Variants in IL19 observed in about 807,000 individuals in gnomAD.
The protein encoded by IL19 is interleukin-19.
A neutral mutation model predicts 19.5 loss-of-function variants in IL19; 15 were observed. The observed-to-expected ratio is 0.77, with a 90% CI of 0.52 to 1.19. IL19 has a LOEUF of 1.19. Among genes scored for constraint, IL19 ranks in the 50% most tolerant of loss-of-function variants. IL19 has a pLI of 0.00. For missense variants in IL19, 199 were observed against 213.1 expected (o/e 0.93, Z 0.41); for synonymous variants, 78 against 78.3 (o/e 1.00, Z 0.02).
chr1:206,777,853 A>C (rs908411436), intron 1 of IL19, among the ~76,000 whole-genome samples: 1 of 152,232 alleles, frequency 6.6e-6, no homozygotes, highest in African/African-American at 2.4e-5. Context: ...TGAAATTTCT[A>C]GTATTCCCTC....
At chr1:206,793,858 G>A (rs568768942) in intron 1 of IL19, among the ~76,000 whole-genome samples, 1 of 152,344 alleles carries the variant, frequency 6.6e-6, no homozygotes, top group Admixed American at 6.5e-5. Context: ...CTGGTCGAAG[G>A]GCTAGGGAGG....
At chr1:206,836,519 C>T in intron 2 of IL19, 142 bp from the exon 3 acceptor site, 2 of 744,872 alleles carry the variant, frequency 2.7e-6, no homozygotes, top group East Asian at 2.5e-5. Flanking sequence ...CCTGTAACTC[C>T]TCAAGGCTGA....
intron 2 of IL19, among the ~76,000 whole-genome samples, chr1:206,804,142 G>A (rs1010379141): frequency 3.9e-5 from 6 of 152,148 alleles, no homozygotes; most frequent in African/African-American, 1.4e-4. Flanking sequence ...GTAAATTCCA[G>A]GAGGGCTTCA....
intron 1 of IL19, 187 bp downstream of exon 1, chr1:206,771,265 A>C (rs1400547981): frequency 7.7e-7 from 1 of 1,306,800 alleles, no homozygotes; most frequent in African/African-American, 1.5e-5. Context: ...AAAGCGAAGG[A>C]AACAAACCCA....
intron 2 of IL19, chr1:206,834,314 A>T: frequency 2.0e-6 from 2 of 985,610 alleles, no homozygotes; most frequent in South Asian, 9.4e-5. Flanking sequence ...CCTCTTATCC[A>T]CCTGAATAAA....
At chr1:206,798,837 GAC>G in intron 1 of IL19, 22 bp from the exon 2 acceptor site, 1 of 1,286,474 alleles carries the variant, frequency 7.8e-7, no homozygotes, top group Non-Finnish European at 1.1e-6. Flanking sequence ...TTGTAATGAT[GAC>G]TCTCTATGAT....
intron 1 of IL19, among the ~76,000 whole-genome samples, chr1:206,782,613 C>A (rs531464080): frequency 2.0e-4 from 31 of 152,290 alleles, no homozygotes; most frequent in Admixed American, 1.3e-4. Flanking sequence ...TCCTGTGAGC[C>A]TCTCACATGT....
intron 1 of IL19, among the ~76,000 whole-genome samples, chr1:206,798,057 A>G (rs1434485939): frequency 6.6e-6 from 1 of 152,142 alleles, no homozygotes; most frequent in Admixed American, 6.5e-5. Context: ...GTTGAGGTGG[A>G]GTTGAAGGAG....
intron 1 of IL19, among the ~76,000 whole-genome samples, chr1:206,771,947 T>C (rs941559884): frequency 4.6e-5 from 7 of 152,046 alleles, no homozygotes; most frequent in African/African-American, 1.7e-4. Context: ...ATGGGGAGCA[T>C]CTTCACCTCG....
Position 206,787,104 on chromosome 1 carries a change from G to A in IL19, c.-148-11757G>A, listed in dbSNP as rs187504054. On this transcript the variant is annotated intron_variant, in intron 1 of 6. Transcript: ENST00000659997. ...TCCACAAGATCTCTGACCAAAACAC[G>A]GGGGCTCTCACTATTGTCAGAATAT... Among the ~76,000 whole-genome samples the A allele has an allele frequency of 6.3e-3, 963 of 152,128 alleles. 9 individuals carry two copies. The highest frequency in any genetic ancestry group is 0.022 in the African/African-American group (908 of 41,482).
intron 1 of IL19, among the ~76,000 whole-genome samples, chr1:206,798,540 T>C (rs1407043138): frequency 6.6e-6 from 1 of 152,038 alleles, no homozygotes; most frequent in East Asian, 1.9e-4. Flanking sequence ...AGTAATTATA[T>C]ACACATTTTT....
intron 2 of IL19, among the ~76,000 whole-genome samples, chr1:206,817,877 C>A (rs1237079757): frequency 1.3e-5 from 2 of 151,988 alleles, no homozygotes; most frequent in South Asian, 4.2e-4. Context: ...GATTCTCCTG[C>A]CTCAGCCTCC....
intron 2 of IL19, among the ~76,000 whole-genome samples, chr1:206,818,162 CA>C (rs1676210438): frequency 6.6e-6 from 1 of 152,288 alleles, no homozygotes; most frequent in East Asian, 1.9e-4. Flanking sequence ...CACTGTCAAC[CA>C]AGTTGGCCTA....
At chr1:206,830,366 C>T (rs1314538130) in intron 2 of IL19, among the ~76,000 whole-genome samples, 1 of 151,922 alleles carries the variant, frequency 6.6e-6, no homozygotes, top group Non-Finnish European at 1.5e-5. Flanking sequence ...GATAAAAAAA[C>T]AAAAACAAAA....
chr1:206,823,310 T>A (rs1342845278), intron 2 of IL19, among the ~76,000 whole-genome samples: 1 of 151,670 alleles, frequency 6.6e-6, no homozygotes, highest in Non-Finnish European at 1.5e-5. Flanking sequence ...TCCCAGCACT[T>A]TGGGAGGCTG....
At chr1:206,805,896 T>G (rs1167430285) in intron 2 of IL19, among the ~76,000 whole-genome samples, 5 of 152,250 alleles carry the variant, frequency 3.3e-5, no homozygotes, top group African/African-American at 1.2e-4. Context: ...AAAGGAATTT[T>G]GCTGGCTCAC....
chr1:206,813,448 T>C (rs1157419154), intron 2 of IL19, among the ~76,000 whole-genome samples: 2 of 152,126 alleles, frequency 1.3e-5, no homozygotes, highest in East Asian at 3.8e-4. Flanking sequence ...CATGTGTCCC[T>C]TGGGGACACC....
rs531276880 is a variant in IL19 at position 206,789,019 on chromosome 1, G to A, written c.-148-9842G>A. On this transcript the variant is annotated intron_variant, in intron 1 of 6. Transcript: ENST00000659997. ...AAGATATAAAAGATGGACAGTGTCT[G>A]TTGTTTCCACCAATAATCAGATACC... 7.9e-5 allele frequency among the ~76,000 whole-genome samples: 12 copies of A among 152,322 alleles called. No homozygotes were observed. The East Asian group carries it at 2.3e-3, about 29-fold the overall frequency.
chr1:206,803,270 G>A (rs1675763104), intron 2 of IL19, among the ~76,000 whole-genome samples: 1 of 152,196 alleles, frequency 6.6e-6, no homozygotes, highest in Non-Finnish European at 1.5e-5. Flanking sequence ...GGAAGTCGGG[G>A]TTGGATGCCT....
Sources: gnomAD v4.1 joint callset for allele counts (sites outside exome capture counted in the v4.1 genomes callset) on GRCh38, gnomAD v4.1.1 for gene constraint, MANE v1.5 for transcripts, NCBI Gene and HGNC (gene_info 2026-07-23, HGNC 2026-07-21) for gene names.